The following FAM184B variants were observed in gnomAD, a reference collection of about 807,000 sequenced individuals.
The protein encoded by FAM184B is family with sequence similarity 184 member B, also known as protein FAM184B.
FAM184B carries 111 observed loss-of-function variants against 135.9 expected under a neutral mutation model. The observed-to-expected ratio is 0.82, with a 90% CI of 0.70 to 0.96. The LOEUF is 0.96. Ranked by LOEUF, FAM184B falls within the 40% of genes least tolerant of loss-of-function variation. The pLI is 0.00. For missense variants in FAM184B, 1,375 were observed against 1,323.9 expected (o/e 1.04, Z -0.60); for synonymous variants, 552 against 524.8 (o/e 1.05, Z -0.71).
intron 1 of FAM184B, among the ~76,000 whole-genome samples, chr4:17,723,571 C>A (rs771567127): frequency 6.6e-6 from 1 of 152,174 alleles, no homozygotes; most frequent in Non-Finnish European, 1.5e-5. Flanking sequence ...CACACTGGGT[C>A]AAGTCCACGG....
intron 7 of FAM184B, among the ~76,000 whole-genome samples, chr4:17,668,209 C>T (rs376064039): frequency 7.9e-5 from 12 of 152,316 alleles, no homozygotes; most frequent in African/African-American, 1.7e-4. Flanking sequence ...TTCCTTCCAG[C>T]GGCCCGCCCT....
intron 7 of FAM184B, among the ~76,000 whole-genome samples, chr4:17,676,002 C>G (rs892072632): frequency 2.0e-5 from 3 of 152,214 alleles, no homozygotes; most frequent in African/African-American, 7.2e-5. Flanking sequence ...TGGAGTAGCA[C>G]TATTCATTTC....
In FAM184B at chr4:17,743,877, G is replaced by A. The variant is rs115558844; in HGVS notation, c.142-34233C>T. Among the ~76,000 whole-genome samples, 530 of 152,298 alleles carry A rather than the reference G, an allele frequency of 3.5e-3. 1 individual carries two copies. Among genetic ancestry groups the A allele is most frequent in the African/African-American group, 0.011 (465 of 41,552 alleles). On this transcript the variant is annotated intron_variant, in intron 1 of 17. Transcript: ENST00000265018. ...TCAGCAGTCTAGGTATGGCAGGGTT[G>A]GGGTCTTCACTCAGGGTCTCAAGGA...
chr4:17,647,497 G>T, intron 12 of FAM184B, 140 bp downstream of exon 12: 1 of 1,062,642 alleles, frequency 9.4e-7, no homozygotes, highest in Non-Finnish European at 1.3e-6. Context: ...TGGTTCTCTG[G>T]CTTTGGCCTC....
chr4:17,735,583 G>T (rs887979951), intron 1 of FAM184B, among the ~76,000 whole-genome samples: 1 of 151,488 alleles, frequency 6.6e-6, no homozygotes, highest in Admixed American at 6.6e-5. Flanking sequence ...TTCTTCCTTA[G>T]ACCCCTGTCA....
intron 12 of FAM184B, among the ~76,000 whole-genome samples, chr4:17,644,167 A>T (rs1291978269): frequency 1.3e-5 from 2 of 152,234 alleles, no homozygotes; most frequent in Admixed American, 1.3e-4. Flanking sequence ...CAGTGGTGGA[A>T]GCTTTTCAAT....
At chr4:17,740,304 A>G (rs1182349787) in intron 1 of FAM184B, among the ~76,000 whole-genome samples, 2 of 143,298 alleles carry the variant, frequency 1.4e-5, no homozygotes, top group African/African-American at 2.6e-5. Context: ...GTGAGCTGAG[A>G]TCACGCTACT....
Position 17,636,519 on chromosome 4 carries a change from C to CA in FAM184B, c.2784+8dup, listed in dbSNP as rs147570922. Reference sequence around the variant, plus strand: ...GGTGCGTGGGTGAGGCGCCCCCTGACAGCCTCACCGTGAGCTGCTTGATGA... The same window carrying CA: ...GGTGCGTGGGTGAGGCGCCCCCTGACAAGCCTCACCGTGAGCTGCTTGATGA... On this transcript the variant is annotated intron_variant, in intron 15 of 17. Transcript: ENST00000265018. 0.015 allele frequency: 22,589 copies of CA among 1,547,230 alleles called. 201 individuals carry two copies. Among genetic ancestry groups the CA allele is most frequent in the African/African-American group, 0.018 (1,294 of 73,084 alleles).
intron 2 of FAM184B, among the ~76,000 whole-genome samples, chr4:17,708,215 T>C (rs1284869165): frequency 6.6e-6 from 1 of 152,180 alleles, no homozygotes; most frequent in Non-Finnish European, 1.5e-5. Flanking sequence ...GGCTAGTCCT[T>C]ACGCCTCTCA....
chr4:17,705,022 G>A lies in FAM184B; in HGVS notation c.1355C>T (p.Ala452Val). ...EIKSVRSSVE[A>V]ERKKLQREVE... Reference sequence around the variant, plus strand: ...CACCCTCTGCAGTTTCTTTCTTTCAGCCTCCACGGACGAGCGAACGGATTT... The same window carrying A: ...CACCCTCTGCAGTTTCTTTCTTTCAACCTCCACGGACGAGCGAACGGATTT... The change falls in exon 5 of 18, where the codon GCT becomes GTT. Residue 452 changes from alanine to valine, a missense_variant. Transcript: ENST00000265018. 4 of 1,551,762 alleles carry A rather than the reference G, an allele frequency of 2.6e-6. No homozygotes were observed. Among genetic ancestry groups the A allele is most frequent in the Non-Finnish European group, 2.6e-6 (3 of 1,147,008 alleles).
intron 1 of FAM184B, among the ~76,000 whole-genome samples, chr4:17,730,579 C>T (rs60316914): frequency 0.031 from 4,755 of 152,240 alleles, 161 homozygotes; most frequent in African/African-American, 0.083. Context: ...CGCAGAAACT[C>T]TACAAGCCAG....
At position 17,781,035 on chromosome 4, in the gene FAM184B, T is replaced by C. The variant is rs1719021931; in HGVS notation, c.141+124A>G. ...GATTTAGGACCGCTTCCCTTCCCGG[T>C]TGGCCTCCGAGACAAAGTTTCTGTC... On this transcript the variant is annotated intron_variant, in intron 1 of 17. Coordinates refer to ENST00000265018, the MANE Select transcript of FAM184B (RefSeq NM_015688.2). This position sits in a 1 kb window ranked among gnomAD's most constrained non-coding sequence, Gnocchi z 6.5. The C allele has an allele frequency of 5.7e-6, 7 of 1,234,360 alleles. No homozygotes were observed. The highest frequency in any genetic ancestry group is 1.1e-6 in the Non-Finnish European group (1 of 918,598). The allele number at this position is 1,234,360 out of a possible 1,614,324, so 76.5% of individuals were successfully genotyped here.
At chr4:17,718,964 C>A (rs1717459088) in intron 1 of FAM184B, among the ~76,000 whole-genome samples, 1 of 152,316 alleles carries the variant, frequency 6.6e-6, no homozygotes, top group South Asian at 2.1e-4. Flanking sequence ...CAGTAGTTGT[C>A]CCTTATCTGA....
intron 1 of FAM184B, among the ~76,000 whole-genome samples, chr4:17,710,997 G>C (rs558366272): frequency 6.6e-6 from 1 of 152,292 alleles, no homozygotes; most frequent in African/African-American, 2.4e-5. Flanking sequence ...TTTTGTTGCT[G>C]TTTGCTTGAT....
At chr4:17,780,601 T>C (rs1401949663) in intron 1 of FAM184B, among the ~76,000 whole-genome samples, 2 of 151,942 alleles carry the variant, frequency 1.3e-5, no homozygotes, top group African/African-American at 4.8e-5. Context: ...CCTAATCCCA[T>C]AGTTATTTGG....
chr4:17,690,952 G>T (rs544444179), intron 6 of FAM184B, among the ~76,000 whole-genome samples: 9 of 152,296 alleles, frequency 5.9e-5, no homozygotes, highest in African/African-American at 1.9e-4. Context: ...TCTAGCTTTG[G>T]TAAGGTGGGG....
At chr4:17,777,450 A>G (rs1718950014) in intron 1 of FAM184B, among the ~76,000 whole-genome samples, 1 of 152,204 alleles carries the variant, frequency 6.6e-6, no homozygotes, top group Non-Finnish European at 1.5e-5. Flanking sequence ...AAACAGGTGA[A>G]TTTTATGGTA....
intron 12 of FAM184B, among the ~76,000 whole-genome samples, chr4:17,647,291 T>G (rs1405921422): frequency 3.4e-5 from 5 of 146,978 alleles, no homozygotes; most frequent in Non-Finnish European, 5.9e-5. Context: ...CTTGCTATGT[T>G]GCCCAGGCTA....
chr4:17,660,191 G>T, intron 8 of FAM184B, 104 bp from the exon 9 acceptor site: 1 of 1,338,574 alleles, frequency 7.5e-7, no homozygotes, highest in Non-Finnish European at 1.0e-6. Flanking sequence ...AGAAAGCTCC[G>T]ATAGCAGTTA....
Sources: allele counts gnomAD v4.1 joint callset (sites outside exome capture counted in the v4.1 genomes callset), GRCh38; gene constraint gnomAD v4.1.1; non-coding constraint Gnocchi (gnomAD v3.1); transcripts MANE v1.5; gene names NCBI Gene and HGNC (gene_info 2026-07-23, HGNC 2026-07-21).